NEGR1: variants seen among roughly 807,000 people sequenced by gnomAD.
NEGR1 encodes the protein neuronal growth regulator 1.
In NEGR1, 10 loss-of-function variants were observed where a neutral mutation model predicts 40.9. That is an observed-to-expected ratio of 0.24 (90% CI 0.15 to 0.42). NEGR1 has a LOEUF of 0.42. Among genes scored for constraint, NEGR1 ranks in the 10% least tolerant of loss-of-function variants. The pLI is 1.00. For synonymous variants in NEGR1, 185 were observed against 166.8 expected, an observed-to-expected ratio of 1.11 and a Z score of -0.84; for missense variants, 352 against 438.9, an observed-to-expected ratio of 0.80 and a Z score of 1.77.
intron 3 of NEGR1, among the ~76,000 whole-genome samples, chr1:71,713,974 T>C (rs903630453): frequency 6.6e-6 from 1 of 152,074 alleles, no homozygotes; most frequent in African/African-American, 2.4e-5. Flanking sequence ...AGTTTTCTCT[T>C]TGAAAAAAGG....
chr1:71,583,886 G>T (rs1342066212), intron 6 of NEGR1, among the ~76,000 whole-genome samples: 1 of 152,136 alleles, frequency 6.6e-6, no homozygotes, highest in Non-Finnish European at 1.5e-5. Context: ...TAATTGGATT[G>T]ACTCAAAGAA....
In NEGR1 at chr1:71,676,576, C is replaced by T. The variant is rs572941662; in HGVS notation, c.667+21432G>A. Among the ~76,000 whole-genome samples, 25 of 152,220 alleles carry T rather than the reference C, an allele frequency of 1.6e-4. No homozygotes were observed. In the East Asian group the frequency reaches 2.5e-3, roughly 15 times the overall value. The stretch of plus-strand genomic sequence containing the variant: ...GTTGGGTGTCAGAAATTTCTTCAAC[C>T]GTTGTTGGGTGTCTTGCTTGGTAAA... On this transcript the variant is annotated intron_variant, in intron 4 of 6. Coordinates refer to ENST00000357731, the MANE Select transcript of NEGR1 (RefSeq NM_173808.3).
Position 71,492,372 on chromosome 1 carries a change from G to A in NEGR1, c.941-84802C>T, listed in dbSNP as rs189024316. ...ATAATAGTGTCAGTACCTCTTGAAA[G>A]CCATCAATTAAACGTTTATCAAAAA... On this transcript the variant is annotated intron_variant, in intron 6 of 6. Coordinates refer to ENST00000357731, the MANE Select transcript of NEGR1 (RefSeq NM_173808.3). Among the ~76,000 whole-genome samples the A allele has an allele frequency of 4.4e-3, 671 of 152,062 alleles. 3 individuals are homozygous for A. Among genetic ancestry groups the A allele is most frequent in the Non-Finnish European group, 8.0e-3 (541 of 67,978 alleles).
chr1:71,773,527 A>G (rs1266271661), intron 3 of NEGR1, among the ~76,000 whole-genome samples: 1 of 152,208 alleles, frequency 6.6e-6, no homozygotes, highest in African/African-American at 2.4e-5. Flanking sequence ...ATATAAATTA[A>G]TAAGTCAAAA....
intron 1 of NEGR1, among the ~76,000 whole-genome samples, chr1:72,139,728 AG>A (rs1008094535): frequency 5.9e-4 from 90 of 152,210 alleles, no homozygotes; most frequent in African/African-American, 2.1e-3. Context: ...TGTAGCAGGG[AG>A]GGATGAAAGA....
chr1:71,731,604 T>G (rs966165491), intron 3 of NEGR1, among the ~76,000 whole-genome samples: 3 of 152,202 alleles, frequency 2.0e-5, no homozygotes, highest in Non-Finnish European at 4.4e-5. Flanking sequence ...TTTTTAAAAA[T>G]ACAAATTTCC....
At chr1:71,790,214 T>C (rs1205290454) in intron 2 of NEGR1, among the ~76,000 whole-genome samples, 1 of 152,126 alleles carries the variant, frequency 6.6e-6, no homozygotes, top group African/African-American at 2.4e-5. Context: ...GAGACCTAAC[T>C]GGTCATGCCA....
intron 1 of NEGR1, among the ~76,000 whole-genome samples, chr1:71,992,628 G>A (rs1434786702): frequency 6.6e-6 from 1 of 152,124 alleles, no homozygotes; most frequent in Non-Finnish European, 1.5e-5. Flanking sequence ...TTGAAATCTG[G>A]CGTGAATTTT....
chr1:72,199,312 A>T (rs553705647), intron 1 of NEGR1, among the ~76,000 whole-genome samples: 1 of 152,110 alleles, frequency 6.6e-6, no homozygotes, highest in African/African-American at 2.4e-5. Flanking sequence ...TTATATGCTT[A>T]TCTATCAACT....
chr1:71,753,439 T>C lies in NEGR1; in HGVS notation c.535+22733A>G, dbSNP rs560083114. Among the ~76,000 whole-genome samples the C allele has an allele frequency of 1.8e-3, 279 of 152,292 alleles. 2 individuals carry two copies. Among genetic ancestry groups the C allele is most frequent in the African/African-American group, 6.5e-3 (270 of 41,570 alleles). ...TGTTGACTACACCCACATGAATCCT[T>C]AAAAGTGGCAGCAGTCAGTGGTGTA... On this transcript the variant is annotated intron_variant, in intron 3 of 6. Coordinates refer to ENST00000357731, the MANE Select transcript of NEGR1 (RefSeq NM_173808.3).
intron 4 of NEGR1, among the ~76,000 whole-genome samples, chr1:71,622,570 A>T (rs1034911928): frequency 1.3e-5 from 2 of 151,920 alleles, no homozygotes; most frequent in Non-Finnish European, 2.9e-5. Flanking sequence ...TTCTACTTGT[A>T]TTAATCATTC....
chr1:71,886,456 G>GAA (rs770727548), intron 2 of NEGR1, among the ~76,000 whole-genome samples: 14 of 145,466 alleles, frequency 9.6e-5, no homozygotes, highest in African/African-American at 3.3e-4. Flanking sequence ...AGTTTATGGG[G>GAA]GAAAAAAAAA....
In NEGR1 at chr1:71,664,574, GT is replaced by G. The variant is rs1221291908; in HGVS notation, c.667+33433del. ...TAGAAGAGAAGGGAGGGAGATGAGT[GT>G]GTCAGATTTGCTATTTTGTACTAAA... On this transcript the variant is annotated intron_variant, in intron 4 of 6. Transcript: ENST00000357731. 5.9e-5 allele frequency among the ~76,000 whole-genome samples: 9 copies of G among 152,170 alleles called. No homozygotes were observed. In the South Asian group the frequency reaches 1.5e-3, roughly 25 times the overall value.
At chr1:72,057,205 T>G (rs1332959443) in intron 1 of NEGR1, among the ~76,000 whole-genome samples, 2 of 151,620 alleles carry the variant, frequency 1.3e-5, no homozygotes, top group African/African-American at 2.4e-5. Flanking sequence ...TTACACAAAT[T>G]ACTTACAACA....
intron 3 of NEGR1, among the ~76,000 whole-genome samples, chr1:71,728,293 G>A (rs1443942310): frequency 6.6e-6 from 1 of 152,072 alleles, no homozygotes; most frequent in Admixed American, 6.6e-5. Context: ...AAAAATTTTG[G>A]AGACACAGAG....
intron 1 of NEGR1, among the ~76,000 whole-genome samples, chr1:72,127,892 T>C (rs896450205): frequency 1.3e-5 from 2 of 152,114 alleles, no homozygotes; most frequent in Non-Finnish European, 2.9e-5. Flanking sequence ...TTATTTCTAA[T>C]TGGTTGTGGA....
intron 4 of NEGR1, among the ~76,000 whole-genome samples, chr1:71,656,087 G>A (rs1376752204): frequency 6.6e-6 from 1 of 152,136 alleles, no homozygotes; most frequent in Non-Finnish European, 1.5e-5. Context: ...CAACTTCAGA[G>A]TATTTAAGAG....
At chr1:72,244,689 C>T (rs1021167982) in intron 1 of NEGR1, among the ~76,000 whole-genome samples, 1 of 151,916 alleles carries the variant, frequency 6.6e-6, no homozygotes, top group African/African-American at 2.4e-5. Context: ...CCTGTATCTC[C>T]TGTTAGGCTC....
intron 2 of NEGR1, among the ~76,000 whole-genome samples, chr1:71,876,505 GA>G (rs1287493719): frequency 6.6e-6 from 1 of 150,650 alleles, no homozygotes; most frequent in African/African-American, 2.4e-5. Flanking sequence ...GACCCTGTCT[GA>G]AAAAGAAAGG....
Sources: gnomAD v4.1 joint callset for allele counts (sites outside exome capture counted in the v4.1 genomes callset) on GRCh38, gnomAD v4.1.1 for gene constraint, MANE v1.5 for transcripts, NCBI Gene and HGNC (gene_info 2026-07-23, HGNC 2026-07-21) for gene names.